The following PANK1 variants were observed in gnomAD, a reference collection of about 807,000 sequenced individuals.
PANK1 encodes the protein pantothenic acid kinase 1.
Under a neutral mutation model 40.1 loss-of-function variants are expected in PANK1, and 18 were observed. The observed-to-expected ratio is 0.45, with a 90% CI of 0.31 to 0.67. PANK1 has a LOEUF of 0.67. Among genes scored for constraint, PANK1 ranks in the 30% least tolerant of loss-of-function variants. The pLI is 0.06. For synonymous variants in PANK1, 242 were observed against 237.7 expected, an observed-to-expected ratio of 1.02 and a Z score of -0.17; for missense variants, 457 against 599.6, an observed-to-expected ratio of 0.76 and a Z score of 2.48.
chr10:89,631,822 A>G (rs1841651963), intron 1 of PANK1, among the ~76,000 whole-genome samples: 1 of 152,214 alleles, frequency 6.6e-6, no homozygotes, highest in South Asian at 2.1e-4. Context: ...TCAGGTTTTC[A>G]ATTATCCACC....
At chr10:89,618,220 C>T (rs149713863) in intron 1 of PANK1, among the ~76,000 whole-genome samples, 83 of 152,326 alleles carry the variant, frequency 5.4e-4, no homozygotes, top group African/African-American at 1.9e-3. Flanking sequence ...GACTGAGCAC[C>T]AGTGACTGCT....
chr10:89,612,703 T>C (rs1845198730), intron 1 of PANK1, among the ~76,000 whole-genome samples: 1 of 152,260 alleles, frequency 6.6e-6, no homozygotes, highest in African/African-American at 2.4e-5. Context: ...ACTCGCATTA[T>C]ATCTAATTTA....
At chr10:89,607,420 C>T (rs1196335204) in intron 2 of PANK1, among the ~76,000 whole-genome samples, 1 of 152,150 alleles carries the variant, frequency 6.6e-6, no homozygotes, top group Non-Finnish European at 1.5e-5. Context: ...CATCACTGAT[C>T]ACAGATCACC....
At position 89,584,486 on chromosome 10, in the gene PANK1, G is replaced by A. The variant is rs1341776543; in HGVS notation, c.1327-21C>T. ...TAACCCTACGAAAACAATACAAAAC[G>A]ATGATCTCTGAACCTTAGCCAAATA... On this transcript the variant is annotated intron_variant, in intron 6 of 6. Coordinates refer to ENST00000307534, the MANE Select transcript of PANK1 (RefSeq NM_148977.3). 2.6e-6 allele frequency: 4 copies of A among 1,538,474 alleles called. No individual in the cohort carries two copies. In the Admixed American group the frequency reaches 5.0e-5, roughly 19 times the overall value.
Position 89,644,947 on chromosome 10 carries a change from T to C in PANK1, c.-56A>G, listed in dbSNP as rs756790023. 2 of 1,568,288 alleles carry C rather than the reference T, an allele frequency of 1.3e-6. No homozygotes were observed. Among genetic ancestry groups the C allele is most frequent in the Admixed American group, 1.8e-5 (1 of 54,788 alleles). On this transcript the variant is annotated 5_prime_UTR_variant, in exon 1 of 7. Coordinates refer to ENST00000307534, the MANE Select transcript of PANK1 (RefSeq NM_148977.3). ...CCGGCTCAGGCGGCCTCGCTGGAGG[T>C]CATTCTCCGGCGTCTTTATTTCCCC... is the stretch of plus-strand genomic sequence containing the variant.
intron 1 of PANK1, among the ~76,000 whole-genome samples, chr10:89,640,241 G>A (rs1455952867): frequency 6.6e-6 from 1 of 152,174 alleles, no homozygotes; most frequent in African/African-American, 2.4e-5. Context: ...GTAAATCGAA[G>A]CTACTGTCAT....
intron 1 of PANK1, 81 bp downstream of exon 1, chr10:89,644,519 G>C: frequency 7.8e-7 from 1 of 1,281,008 alleles, no homozygotes; most frequent in Non-Finnish European, 1.1e-6. Context: ...GTGCTGCGGC[G>C]CCTGCCTCAG....
chr10:89,597,064 T>TA (rs1265935388), intron 3 of PANK1, among the ~76,000 whole-genome samples: 2 of 152,154 alleles, frequency 1.3e-5, no homozygotes, highest in Non-Finnish European at 2.9e-5. Flanking sequence ...TGTAGCTTCT[T>TA]AAAAATAAAC....
chr10:89,630,563 G>C (rs1380654929), intron 1 of PANK1, among the ~76,000 whole-genome samples: 1 of 151,538 alleles, frequency 6.6e-6, no homozygotes, highest in Admixed American at 6.6e-5. Context: ...CGCGATCTTG[G>C]TGTACTGCAA....
intron 1 of PANK1, among the ~76,000 whole-genome samples, chr10:89,636,169 C>A (rs886906076): frequency 6.6e-6 from 1 of 152,124 alleles, no homozygotes; most frequent in African/African-American, 2.4e-5. Context: ...AGACTCTCTG[C>A]GGTAGCTCCT....
chr10:89,624,334 G>A (rs575992742), intron 1 of PANK1, among the ~76,000 whole-genome samples: 1 of 152,194 alleles, frequency 6.6e-6, no homozygotes, highest in East Asian at 1.9e-4. Flanking sequence ...GAACATTTAG[G>A]TTAAGGAAAA....
At chr10:89,613,867 G>A (rs7091626) in intron 1 of PANK1, 242,196 of 415,568 alleles carry the variant, frequency 0.58, 72,107 homozygotes, top group South Asian at 0.62. Context: ...GCCCCAGACT[G>A]GGATTCGGAA....
intron 6 of PANK1, 51 bp downstream of exon 6, chr10:89,588,601 A>G (rs780946536): frequency 4.8e-6 from 7 of 1,459,178 alleles, no homozygotes; most frequent in Non-Finnish European, 5.4e-6. Context: ...ATGTTAGCCA[A>G]ACCAAAATAT....
intron 1 of PANK1, among the ~76,000 whole-genome samples, chr10:89,621,164 T>G (rs7476027): frequency 0.15 from 23,089 of 152,070 alleles, 2,206 homozygotes; most frequent in East Asian, 0.46. Flanking sequence ...AGCCTGGTGT[T>G]GTGGCACATG....
rs1027878336 is a variant in PANK1 at position 89,593,745 on chromosome 10, G to A, written c.1076+68C>T. On this transcript the variant is annotated intron_variant, in intron 4 of 6. Coordinates refer to ENST00000307534, the MANE Select transcript of PANK1 (RefSeq NM_148977.3). ...TGGACTGACATTTTAAAACAACTTA[G>A]TGAATGGCCAGGGTGGAGAGGCTGC... 26 of 1,199,740 alleles carry A rather than the reference G, an allele frequency of 2.2e-5. No individual in the cohort carries two copies. In the South Asian group the frequency reaches 2.7e-4, roughly 12 times the overall value. 74.3% of individuals were successfully genotyped at this position (1,199,740 alleles called of 1,614,324 possible). A position where few individuals can be genotyped will look rare whatever the true frequency, so the allele number is the denominator to read the frequency against.
At chr10:89,593,534 G>A (rs976646355) in intron 4 of PANK1, among the ~76,000 whole-genome samples, 8 of 151,998 alleles carry the variant, frequency 5.3e-5, no homozygotes, top group Admixed American at 4.6e-4. Flanking sequence ...AATGGGGGGG[G>A]AAAATTAATG....
chr10:89,584,543 C>T, intron 6 of PANK1, 78 bp from the exon 7 acceptor site: 1 of 904,538 alleles, frequency 1.1e-6, no homozygotes. Flanking sequence ...AGGAATGCCA[C>T]TAATATCGAT....
intron 1 of PANK1, among the ~76,000 whole-genome samples, chr10:89,624,026 T>C (rs1377732468): frequency 6.6e-6 from 1 of 152,240 alleles, no homozygotes; most frequent in African/African-American, 2.4e-5. Context: ...GACAATAATC[T>C]TTCTTCCACT....
intron 1 of PANK1, among the ~76,000 whole-genome samples, chr10:89,622,581 A>G (rs1845521414): frequency 6.6e-6 from 1 of 152,214 alleles, no homozygotes; most frequent in Non-Finnish European, 1.5e-5. Flanking sequence ...CATGCCTGTA[A>G]TCCCAGCACT....
Sources: allele counts gnomAD v4.1 joint callset (sites outside exome capture counted in the v4.1 genomes callset), GRCh38; gene constraint gnomAD v4.1.1; transcripts MANE v1.5; gene names NCBI Gene and HGNC (gene_info 2026-07-23, HGNC 2026-07-21).